Variants in CARMIL1 observed in about 807,000 individuals in gnomAD.
CARMIL1 encodes the protein F-actin-uncapping protein LRRC16A.
A neutral mutation model predicts 177.1 loss-of-function variants in CARMIL1; 90 were observed. The observed-to-expected ratio is 0.51, with a 90% confidence interval of 0.43 to 0.61. The LOEUF is 0.61. CARMIL1 is among the 20% of genes least tolerant of loss of function. The probability of loss-of-function intolerance (pLI) is 0.00; values close to 1 mark genes in which losing one functional copy is unlikely to be tolerated. For synonymous variants in CARMIL1, 577 were observed against 606.2 expected, an observed-to-expected ratio of 0.95 and a Z score of 0.71; for missense variants, 1,380 against 1,667.0, an observed-to-expected ratio of 0.83 and a Z score of 3.00.
At chr6:25,344,516 C>T (rs1363102321) in intron 2 of CARMIL1, among the ~76,000 whole-genome samples, 2 of 152,158 alleles carry the variant, frequency 1.3e-5, no homozygotes, top group Admixed American at 1.3e-4. Context: ...TACCACAGCA[C>T]CATATTGTTT....
At chr6:25,551,456 A>G (rs1219543363) in intron 27 of CARMIL1, among the ~76,000 whole-genome samples, 4 of 152,192 alleles carry the variant, frequency 2.6e-5, no homozygotes, top group Non-Finnish European at 5.9e-5. Flanking sequence ...TACACTGTGA[A>G]CAAATGCACA....
At chr6:25,516,012 T>C (rs2151064907) in intron 21 of CARMIL1, among the ~76,000 whole-genome samples, 165 bp downstream of exon 21, 1 of 152,332 alleles carries the variant, frequency 6.6e-6, no homozygotes, top group South Asian at 2.1e-4. Context: ...ATGAGGAGGC[T>C]GTTCCCAAAT....
intron 34 of CARMIL1, 143 bp from the exon 35 acceptor site, chr6:25,605,918 G>A (rs1815916528): frequency 1.6e-6 from 1 of 628,754 alleles, no homozygotes. Context: ...AAACATGCTA[G>A]AACAGCATAT....
At chr6:25,417,664 A>C (rs1795479347) in intron 2 of CARMIL1, among the ~76,000 whole-genome samples, 2 of 151,966 alleles carry the variant, frequency 1.3e-5, no homozygotes, top group South Asian at 4.2e-4. Context: ...AGTAACATAT[A>C]AATATAGCCT....
chr6:25,523,390 T>C (rs1294247754), intron 23 of CARMIL1, among the ~76,000 whole-genome samples: 1 of 152,174 alleles, frequency 6.6e-6, no homozygotes, highest in Non-Finnish European at 1.5e-5. Flanking sequence ...TTAATACATG[T>C]AATCCTTAAA....
chr6:25,308,377 ATTTTTTT>A (rs35167760), intron 2 of CARMIL1, among the ~76,000 whole-genome samples: 2 of 118,834 alleles, frequency 1.7e-5, no homozygotes, highest in East Asian at 2.4e-4. Flanking sequence ...TTGTACAACC[ATTTTTTT>A]TTTTTTTTTT....
chr6:25,429,554 G>C (rs1288530362), intron 4 of CARMIL1, among the ~76,000 whole-genome samples: 4 of 152,170 alleles, frequency 2.6e-5, no homozygotes, highest in Non-Finnish European at 4.4e-5. Flanking sequence ...CCTAGTCTTT[G>C]AGGGAACGCA....
chr6:25,544,554 A>ATG (rs1376797978), intron 26 of CARMIL1, among the ~76,000 whole-genome samples: 1 of 151,910 alleles, frequency 6.6e-6, no homozygotes, highest in Non-Finnish European at 1.5e-5. Flanking sequence ...ACAAATGAAG[A>ATG]TGAAAGCATT....
chr6:25,505,868 A>T (rs564674958), intron 17 of CARMIL1, among the ~76,000 whole-genome samples: 41 of 152,338 alleles, frequency 2.7e-4, no homozygotes, highest in Middle Eastern at 3.4e-3. Context: ...AATAGACAAA[A>T]GTCTCTAATA....
At chr6:25,459,270 T>TCTTTC (rs1177493724) in intron 8 of CARMIL1, among the ~76,000 whole-genome samples, 4 of 21,218 alleles carry the variant, frequency 1.9e-4, no homozygotes, top group South Asian at 1.8e-3. Flanking sequence ...TTCTTTCTTT[T>TCTTTC]TTTTTTTTTT....
chr6:25,475,598 G>A (rs451413), intron 11 of CARMIL1, among the ~76,000 whole-genome samples: 24,164 of 151,934 alleles, frequency 0.16, 2,020 homozygotes, highest in Non-Finnish European at 0.19. Flanking sequence ...CATAAAATGC[G>A]GTATATATAA....
intron 2 of CARMIL1, among the ~76,000 whole-genome samples, chr6:25,333,156 T>C (rs544089141): frequency 1.5e-4 from 23 of 152,192 alleles, no homozygotes; most frequent in Non-Finnish European, 2.8e-4. Flanking sequence ...TTTACTACAC[T>C]GTATCCCTTG....
intron 6 of CARMIL1, 44 bp downstream of exon 6, chr6:25,450,039 T>C: frequency 1.4e-6 from 2 of 1,471,478 alleles, no homozygotes; most frequent in Non-Finnish European, 1.9e-6. Context: ...GCTGGATGGA[T>C]ATCCCCCTGC....
Position 25,618,465 on chromosome 6 carries a change from A to G in CARMIL1, c.3980-982A>G, listed in dbSNP as rs536234427. ...TCAAGATCTGTCTATACAATAGACA[A>G]GATGAATAGTATTTAATAATCCTTA... On this transcript the variant is annotated intron_variant, in intron 36 of 36. Coordinates refer to ENST00000329474, the MANE Select transcript of CARMIL1 (RefSeq NM_017640.6). Among the ~76,000 whole-genome samples the G allele has an allele frequency of 2.0e-5, 3 of 152,368 alleles. No homozygotes were observed. The South Asian group carries it at 6.2e-4, about 32-fold the overall frequency.
chr6:25,443,620 A>G (rs1797958645), intron 5 of CARMIL1, among the ~76,000 whole-genome samples: 1 of 152,232 alleles, frequency 6.6e-6, no homozygotes, highest in Admixed American at 6.5e-5. Flanking sequence ...AAAGTATGCA[A>G]TAGCATTATG....
chr6:25,394,041 A>T (rs1793135580), intron 2 of CARMIL1, among the ~76,000 whole-genome samples: 1 of 152,154 alleles, frequency 6.6e-6, no homozygotes, highest in Non-Finnish European at 1.5e-5. Flanking sequence ...AGATAAGTTG[A>T]AAGAGTGTTA....
intron 2 of CARMIL1, among the ~76,000 whole-genome samples, chr6:25,359,063 G>C (rs879512972): frequency 6.6e-6 from 1 of 152,202 alleles, no homozygotes; most frequent in Non-Finnish European, 1.5e-5. Context: ...ATCACAGCGT[G>C]TCTTTTTTCT....
At chr6:25,544,669 T>G (rs972755421) in intron 26 of CARMIL1, among the ~76,000 whole-genome samples, 2 of 150,244 alleles carry the variant, frequency 1.3e-5, no homozygotes, top group African/African-American at 4.9e-5. Context: ...AGGATATACT[T>G]TAGGACAAAG....
rs769898058 is a variant in CARMIL1, at chr6:25,537,921, G to A, written c.2134G>A (p.Ala712Thr). The A allele has an allele frequency of 1.2e-5, 19 of 1,606,950 alleles. No homozygotes were observed. Among genetic ancestry groups the A allele is most frequent in the Middle Eastern group, 1.6e-4 (1 of 6,080 alleles). The change falls in exon 25 of 37, where the codon GCT (alanine) becomes ACT (threonine). Residue 712 changes from alanine (A) to threonine (T), a missense_variant. Ala to Thr is a moderately conservative substitution (Grantham distance 58). Coordinates refer to ENST00000329474, the MANE Select transcript of CARMIL1 (RefSeq NM_017640.6). The stretch of plus-strand genomic sequence containing the variant: ...CTCCTTACGAAATTGTGGGGGAGAC[G>A]CTATCCAGGAAGATTTAAAATCAGC... ...LNSLRNCGGD[A>T]IQEDLKSAER...
Sources: allele counts gnomAD v4.1 joint callset (sites outside exome capture counted in the v4.1 genomes callset), GRCh38; gene constraint gnomAD v4.1.1; transcripts MANE v1.5; gene names NCBI Gene and HGNC (gene_info 2026-07-23, HGNC 2026-07-21).